The following DNM2 variants were observed in gnomAD, a reference collection of about 807,000 sequenced individuals.
DNM2 encodes dynamin 2.
Under a neutral mutation model 99.0 loss-of-function variants are expected in DNM2, and 15 were observed. The observed-to-expected ratio is 0.15, with a 90% CI of 0.10 to 0.23. The LOEUF is 0.23. DNM2 is among the 10% of genes least tolerant of loss of function. DNM2 has a pLI of 1.00. For synonymous variants in DNM2, 525 were observed against 481.2 expected (o/e 1.09, Z -1.19); for missense variants, 742 against 1,189.4 (o/e 0.62, Z 5.53).
intron 2 of DNM2, 101 bp downstream of exon 2, chr19:10,759,912 A>G: frequency 1.4e-6 from 2 of 1,475,312 alleles, no homozygotes; most frequent in South Asian, 1.1e-5. Context: ...CTGGGCTGTC[A>G]TTGGACATTG....
In DNM2 at chr19:10,718,311, C is replaced by T. The variant is rs1213386129; in HGVS notation, c.69C>T (p.Ile23=). The part of the protein sequence containing the change: ...VNKLQDAFSS[I]GQSCHLDLPQ... ...AACTGCAGGACGCCTTCAGCTCCAT[C>T]GGCCAGAGCTGCCACCTGGACCTGC... Residue 23 remains isoleucine, a synonymous_variant, in exon 1 of 21, where the codon ATC becomes ATT. Transcript: ENST00000389253. 2.0e-6 allele frequency: 3 copies of T among 1,511,390 alleles called. No individual in the cohort carries two copies. The highest frequency in any genetic ancestry group is 2.7e-6 in the Non-Finnish European group (3 of 1,131,186). The allele number at this position is 1,511,390 out of a possible 1,614,324, so 93.6% of individuals were successfully genotyped here.
rs368515602 is a variant in DNM2, at chr19:10,801,076, C to T, written c.1423-1212C>T. 4.6e-5 allele frequency among the ~76,000 whole-genome samples: 7 copies of T among 151,246 alleles called. No individual in the cohort carries two copies. In the East Asian group the frequency reaches 1.4e-3, roughly 30 times the overall value. On this transcript the variant is annotated intron_variant, in intron 11 of 20. Coordinates refer to ENST00000389253, the MANE Select transcript of DNM2 (RefSeq NM_001005361.3). Reference sequence around the variant, plus strand: ...GTCCTAGCACTTTGGGAGGCCAAGGCAGGTGGATTGCCTGAGCTCAGGAGT... The same window carrying T: ...GTCCTAGCACTTTGGGAGGCCAAGGTAGGTGGATTGCCTGAGCTCAGGAGT...
chr19:10,782,090 T>TG (rs1426499761), intron 5 of DNM2, among the ~76,000 whole-genome samples: 1 of 152,112 alleles, frequency 6.6e-6, no homozygotes, highest in Non-Finnish European at 1.5e-5. Flanking sequence ...TGGAGTGCAG[T>TG]GGGGTGATTA....
At chr19:10,823,370 A>G (rs1367617001) in intron 16 of DNM2, 1 of 151,704 alleles carries the variant, frequency 6.6e-6, no homozygotes, top group South Asian at 2.1e-4. Context: ...GCGCCATTGC[A>G]CTCCAGCCTG....
intron 15 of DNM2, among the ~76,000 whole-genome samples, chr19:10,813,038 CA>C (rs1257764234): frequency 6.6e-6 from 1 of 152,256 alleles, no homozygotes; most frequent in East Asian, 1.9e-4. Context: ...AGCCAGCCTC[CA>C]GGGGCACCGG....
rs1325402982 is a variant in DNM2 at position 10,812,008 on chromosome 19, C to T, written c.1558-256C>T. 2 of 497,952 alleles carry T rather than the reference C, an allele frequency of 4.0e-6. No homozygotes were observed. The highest frequency in any genetic ancestry group is 4.6e-5 in the Admixed American group (2 of 43,666). 30.8% of individuals were successfully genotyped at this position (497,952 alleles called of 1,614,324 possible). A position where few individuals can be genotyped will look rare whatever the true frequency, so the allele number is the denominator to read the frequency against. ...TCCCATGGGCCCCTTTCCATCAGGC[C>T]TCTGTGAGTCTATACCCCATCAGCC... On this transcript the variant is annotated intron_variant, in intron 14 of 20. Transcript: ENST00000389253. This position sits in a 1 kb window ranked among gnomAD's most constrained non-coding sequence, Gnocchi z 4.0.
At chr19:10,736,790 A>G (rs1443209011) in intron 1 of DNM2, among the ~76,000 whole-genome samples, 1 of 152,012 alleles carries the variant, frequency 6.6e-6, no homozygotes, top group Non-Finnish European at 1.5e-5. Flanking sequence ...TCAGTCTTGC[A>G]CCTTTAACCT....
At position 10,830,812 on chromosome 19, in the gene DNM2, CT is replaced by C. The variant is rs890389606; in HGVS notation, c.2544-165del. Reference sequence around the variant, plus strand: ...GGTCAAACAGCAGGCGAGTTGATGCCTAGGTTTGGCACTCCTGCCCGACACC... The same window carrying C: ...GGTCAAACAGCAGGCGAGTTGATGCCAGGTTTGGCACTCCTGCCCGACACC... On this transcript the variant is annotated intron_variant, in intron 20 of 20. Coordinates refer to ENST00000389253, the MANE Select transcript of DNM2 (RefSeq NM_001005361.3). This position sits in a 1 kb window ranked among gnomAD's most constrained non-coding sequence, Gnocchi z 4.8. Among the ~76,000 whole-genome samples, 2 of 152,074 alleles carry C rather than the reference CT, an allele frequency of 1.3e-5. No individual in the cohort carries two copies. Among genetic ancestry groups the C allele is most frequent in the African/African-American group, 4.8e-5 (2 of 41,408 alleles).
intron 15 of DNM2, among the ~76,000 whole-genome samples, chr19:10,814,200 C>A (rs535229767): frequency 2.9e-3 from 438 of 151,830 alleles, no homozygotes; most frequent in African/African-American, 0.01. Flanking sequence ...CGCAGTGGCT[C>A]ACGCCATTAA....
rs146175319 is a variant in DNM2 at position 10,761,093 on chromosome 19, A to G, written c.235+1282A>G. ...AACATCCGCCTCCTGGGTTCAAGCG[A>G]TTCTCCTTCCTCAGCCTCCTGAGTT... On this transcript the variant is annotated intron_variant, in intron 2 of 20. Coordinates refer to ENST00000389253, the MANE Select transcript of DNM2 (RefSeq NM_001005361.3). 3.2e-3 allele frequency among the ~76,000 whole-genome samples: 487 copies of G among 151,880 alleles called. 1 individual carries two copies. Among genetic ancestry groups the G allele is most frequent in the African/African-American group, 0.011 (472 of 41,372 alleles).
chr19:10,727,470 A>C (rs530138874), intron 1 of DNM2, among the ~76,000 whole-genome samples: 14 of 151,662 alleles, frequency 9.2e-5, no homozygotes, highest in African/African-American at 3.4e-4. Context: ...GGCTCAAGGG[A>C]TCTTCCCACT....
chr19:10,751,672 C>T (rs755640263), intron 1 of DNM2, among the ~76,000 whole-genome samples: 3 of 152,214 alleles, frequency 2.0e-5, no homozygotes, highest in Admixed American at 6.5e-5. Context: ...GAAGCAAAAT[C>T]GGATAAGTCC....
chr19:10,779,259 G>A (rs552146149), intron 5 of DNM2, among the ~76,000 whole-genome samples: 2 of 150,680 alleles, frequency 1.3e-5, no homozygotes, highest in South Asian at 4.2e-4. Context: ...TTATTTTATC[G>A]GAGCAGCAGT....
intron 1 of DNM2, 117 bp from the exon 2 acceptor site, chr19:10,759,621 T>TA (rs2070548215): frequency 8.0e-7 from 1 of 1,247,374 alleles, no homozygotes; most frequent in Admixed American, 1.7e-5. Context: ...CTGGGGTTGG[T>TA]GCCTTTGCTG....
chr19:10,768,355 A>G (rs2070867485), intron 2 of DNM2, among the ~76,000 whole-genome samples: 1 of 151,788 alleles, frequency 6.6e-6, no homozygotes, highest in Admixed American at 6.6e-5. Context: ...TTAGGAGGCT[A>G]AGGTAGGAGA....
intron 1 of DNM2, among the ~76,000 whole-genome samples, chr19:10,735,079 T>C (rs11880215): frequency 0.1 from 15,507 of 152,106 alleles, 1,225 homozygotes; most frequent in East Asian, 0.37. Flanking sequence ...AGTCTTGCTC[T>C]GTCGCCCAGG....
At chr19:10,760,198 T>C (rs1489675818) in intron 2 of DNM2, among the ~76,000 whole-genome samples, 1 of 120,060 alleles carries the variant, frequency 8.3e-6, no homozygotes, top group Non-Finnish European at 1.7e-5. Flanking sequence ...CATGGCCAGC[T>C]TTTTTTTTTT....
intron 1 of DNM2, among the ~76,000 whole-genome samples, chr19:10,732,969 C>T (rs1256325808): frequency 1.3e-5 from 2 of 151,852 alleles, no homozygotes; most frequent in Non-Finnish European, 2.9e-5. Context: ...CTGCAAGCTC[C>T]GCCTCCCAGG....
chr19:10,718,268 T>G lies in DNM2; in HGVS notation c.26T>G (p.Leu9Arg). Residue 9 changes from leucine to arginine, a missense_variant, in exon 1 of 21, where the codon CTG (leucine) becomes CGG (arginine). By Grantham distance (102) the Leu-to-Arg change is moderately radical. Coordinates refer to ENST00000389253, the MANE Select transcript of DNM2 (RefSeq NM_001005361.3). ...ATGGGCAACCGCGGGATGGAAGAGCTGATCCCGCTGGTCAACAAACTGCAG... is the reference window on the plus strand; with the variant it reads ...ATGGGCAACCGCGGGATGGAAGAGCGGATCCCGCTGGTCAACAAACTGCAG... MGNRGMEE[L>R]IPLVNKLQDA... The G allele has an allele frequency of 1.3e-6, 2 of 1,490,512 alleles. No individual in the cohort carries two copies. The highest frequency in any genetic ancestry group is 1.8e-6 in the Non-Finnish European group (2 of 1,118,918). The allele number at this position is 1,490,512 out of a possible 1,614,324, so 92.3% of individuals were successfully genotyped here.
Sources: allele counts gnomAD v4.1 joint callset (sites outside exome capture counted in the v4.1 genomes callset), GRCh38; gene constraint gnomAD v4.1.1; non-coding constraint Gnocchi (gnomAD v3.1); transcripts MANE v1.5; gene names NCBI Gene and HGNC (gene_info 2026-07-23, HGNC 2026-07-21).